PPIP5K1: variants seen among roughly 807,000 people sequenced by gnomAD.
The protein encoded by PPIP5K1 is diphosphoinositol pentakisphosphate kinase 1.
In PPIP5K1, 6 loss-of-function variants were observed where a neutral mutation model predicts 27.7. The ratio of observed to expected loss-of-function variants is 0.22; its 90% CI spans 0.12 to 0.43. PPIP5K1 has a LOEUF of 0.43. PPIP5K1 is among the 20% of genes least tolerant of loss of function. The probability of loss-of-function intolerance (pLI) is 1.00; values close to 1 mark genes in which losing one functional copy is unlikely to be tolerated. For missense variants in PPIP5K1, 394 were observed against 635.4 expected (o/e 0.62, Z 4.08); for synonymous variants, 145 against 242.6 (o/e 0.60, Z 3.74).
At chr15:43,541,245 TG>T (rs1567015746) in intron 30 of PPIP5K1, among the ~76,000 whole-genome samples, 1 of 152,068 alleles carries the variant, frequency 6.6e-6, no homozygotes, top group Non-Finnish European at 1.5e-5. Context: ...CTTGAGTAGC[TG>T]GGACTACAGG....
intron 30 of PPIP5K1, among the ~76,000 whole-genome samples, chr15:43,546,443 C>T (rs2081376349): frequency 6.6e-6 from 1 of 152,070 alleles, no homozygotes; most frequent in Non-Finnish European, 1.5e-5. Context: ...ACTACAGGTG[C>T]ACACCACCAT....
Position 43,535,417 on chromosome 15 carries a change from C to T in PPIP5K1, c.3730G>A (p.Asp1244Asn). ...CTGAAGCCAAATTGGGAGTTACCAT[C>T]TACTGTAGTAGGGGAAGAAGGACCA... ...SAGPSSPTTV[D>N]GNSQFGFSDQ... The change falls in exon 32 of 32, where the codon GAT becomes AAT. Residue 1244 changes from aspartate (D) to asparagine (N), a missense_variant. By Grantham distance (23) the Asp-to-Asn change is conservative. Around this residue, in one of 4 missense-constraint regions of PPIP5K1, gnomAD observed 379 missense variants for 423.9 expected, o/e 0.89. Transcript: ENST00000420765. 6.2e-7 allele frequency: 1 copy of T among 1,613,164 alleles called. No homozygotes were observed. Among genetic ancestry groups the T allele is most frequent in the East Asian group, 2.2e-5 (1 of 44,876 alleles).
At chr15:43,559,464 C>T (rs1021069871) in intron 29 of PPIP5K1, among the ~76,000 whole-genome samples, 34 of 152,264 alleles carry the variant, frequency 2.2e-4, no homozygotes, top group Non-Finnish European at 3.5e-4. Flanking sequence ...TGGATGCAAA[C>T]TGGAGGGCAT....
chr15:43,560,635 TAGAGAA>T (rs1267714698), intron 28 of PPIP5K1, 40 bp from the exon 29 acceptor site: 3 of 438,088 alleles, frequency 6.8e-6, no homozygotes, highest in African/African-American at 4.2e-5. Context: ...AGCACAAAGA[TAGAGAA>T]AGAGAAGAGG....
intron 30 of PPIP5K1, among the ~76,000 whole-genome samples, chr15:43,553,177 A>G (rs1483460609): frequency 6.6e-6 from 1 of 152,224 alleles, no homozygotes; most frequent in Non-Finnish European, 1.5e-5. Context: ...TTTAAAATTT[A>G]TAGATACTTG....
chr15:43,552,535 AAAAAAAAAAAG>A (rs1399927015), intron 30 of PPIP5K1, among the ~76,000 whole-genome samples: 44 of 148,732 alleles, frequency 3.0e-4, no homozygotes, highest in Non-Finnish European at 5.1e-4. Flanking sequence ...CTATAAAAAA[AAAAAAAAAAAG>A]AAAAAAAAAA....
chr15:43,537,361 A>G, intron 31 of PPIP5K1: 1 of 370,566 alleles, frequency 2.7e-6, no homozygotes, highest in Non-Finnish European at 5.2e-6. Flanking sequence ...AAAAAAAAAA[A>G]AAAAAAAAAA....
chr15:43,542,301 C>CG (rs35106975), intron 30 of PPIP5K1, among the ~76,000 whole-genome samples: 2,217 of 122,924 alleles, frequency 0.018, 43 homozygotes, highest in Admixed American at 0.042. Flanking sequence ...TTAATTTTGG[C>CG]GGGGGGGGGG....
chr15:43,553,107 T>A (rs1170166951), intron 30 of PPIP5K1, among the ~76,000 whole-genome samples: 1 of 152,246 alleles, frequency 6.6e-6, no homozygotes, highest in Non-Finnish European at 1.5e-5. Flanking sequence ...TTCTCTTCTG[T>A]TATTAATTCT....
intron 10 of PPIP5K1, among the ~76,000 whole-genome samples, chr15:43,579,554 T>TAC (rs1395761548): frequency 2.4e-5 from 2 of 83,598 alleles, no homozygotes; most frequent in Non-Finnish European, 3.9e-5. Context: ...TGTGTATATA[T>TAC]ACATATATAC....
At chr15:43,546,164 G>A (rs1291325336) in intron 30 of PPIP5K1, among the ~76,000 whole-genome samples, 1 of 152,102 alleles carries the variant, frequency 6.6e-6, no homozygotes, top group African/African-American at 2.4e-5. Context: ...TTGGTTTCTT[G>A]CATTTGGCAT....
chr15:43,534,975 T>A lies in PPIP5K1; in HGVS notation c.4172A>T (p.Glu1391Val), dbSNP rs1566991939. The A allele has an allele frequency of 6.2e-7, 1 of 1,614,092 alleles. No homozygotes were observed. ...VCQLCLENSE[E>V]VSQPCQGVSV... is the part of the protein sequence containing the mutation. ...GACCCCCTGGCATGGCTGGCTGACC[T>A]CCTCGGAGTTCTCCAGACATAGCTG... is the stretch of plus-strand genomic sequence containing the variant. Residue 1391 changes from glutamate (E) to valine (V), a missense_variant, in exon 32 of 32, where the codon GAG becomes GTG. Glu to Val is a moderately radical substitution (Grantham distance 121, BLOSUM62 -2). Coordinates refer to ENST00000420765, the MANE Select transcript of PPIP5K1 (RefSeq NM_001394395.1).
intron 30 of PPIP5K1, among the ~76,000 whole-genome samples, chr15:43,541,035 G>C (rs529884653): frequency 6.6e-6 from 1 of 152,014 alleles, no homozygotes; most frequent in Non-Finnish European, 1.5e-5. Context: ...TTTTATAAAA[G>C]CATCCAAACA....
intron 30 of PPIP5K1, among the ~76,000 whole-genome samples, chr15:43,547,712 T>A (rs886368776): frequency 6.6e-6 from 1 of 152,244 alleles, no homozygotes; most frequent in Non-Finnish European, 1.5e-5. Flanking sequence ...TCTATATGTT[T>A]ATACTTACAG....
chr15:43,534,433 A>G lies in PPIP5K1; in HGVS notation c.*241T>C. Reference sequence around the variant, plus strand: ...TTCATACAAAGAGAACTACTTCCCCAGACACCGCTGGTGAGAGCTGGCCAG... The same window carrying G: ...TTCATACAAAGAGAACTACTTCCCCGGACACCGCTGGTGAGAGCTGGCCAG... On this transcript the variant is annotated 3_prime_UTR_variant, in exon 32 of 32. Transcript: ENST00000420765. The G allele has an allele frequency of 2.6e-6, 1 of 391,266 alleles. No individual in the cohort carries two copies. Among genetic ancestry groups the G allele is most frequent in the Non-Finnish European group, 4.6e-6 (1 of 219,586 alleles). 24.2% of individuals were successfully genotyped at this position (391,266 alleles called of 1,614,324 possible).
rs115086607 is a variant in PPIP5K1, at chr15:43,547,929, C to T, written c.3557-8346G>A. On this transcript the variant is annotated intron_variant, in intron 30 of 31. Coordinates refer to ENST00000420765, the MANE Select transcript of PPIP5K1 (RefSeq NM_001394395.1). ...TAGGGATTGCATTAAATCCATAGAT[C>T]GCTTTGGGGAATACTGCCATCTTAA... Among the ~76,000 whole-genome samples the T allele has an allele frequency of 7.7e-3, 1,165 of 152,244 alleles. 14 individuals carry two copies. The highest frequency in any genetic ancestry group is 0.026 in the African/African-American group (1,099 of 41,536).
intron 30 of PPIP5K1, among the ~76,000 whole-genome samples, chr15:43,551,338 C>T (rs543596481): frequency 4.0e-5 from 6 of 151,638 alleles, no homozygotes; most frequent in African/African-American, 7.2e-5. Context: ...GCCAACACGG[C>T]GAAACCCCGT....
At chr15:43,537,706 AAGAGAGAG>A (rs1156583027) in intron 31 of PPIP5K1, among the ~76,000 whole-genome samples, 39 of 126,770 alleles carry the variant, frequency 3.1e-4, no homozygotes, top group African/African-American at 8.3e-4. Context: ...AAAAAAAAAA[AAGAGAGAG>A]AGAGAGAGAG....
At chr15:43,538,768 T>A (rs1460087025) in intron 31 of PPIP5K1, among the ~76,000 whole-genome samples, 1 of 151,346 alleles carries the variant, frequency 6.6e-6, no homozygotes, top group Non-Finnish European at 1.5e-5. Flanking sequence ...CGCCTCGGCC[T>A]CCCAAAGTGC....
Sources: gnomAD v4.1 joint callset for allele counts (sites outside exome capture counted in the v4.1 genomes callset) on GRCh38, gnomAD v4.1.1 for gene constraint, gnomAD v4.1.1 regional missense constraint, MANE v1.5 for transcripts, NCBI Gene and HGNC (gene_info 2026-07-23, HGNC 2026-07-21) for gene names.